NCOA3: variants seen among roughly 807,000 people sequenced by gnomAD.
NCOA3 encodes the protein CBP-interacting protein.
Under a neutral mutation model 158.8 loss-of-function variants are expected in NCOA3, and 51 were observed. That is an observed-to-expected ratio of 0.32 (90% CI 0.26 to 0.41). NCOA3 has a LOEUF of 0.41. Among genes scored for constraint, NCOA3 ranks in the 10% least tolerant of loss-of-function variants. The pLI, the probability that NCOA3 is intolerant of heterozygous loss-of-function variation, is 1.00. For synonymous variants in NCOA3, 537 were observed against 592.4 expected (o/e 0.91, Z 1.36); for missense variants, 1,510 against 1,746.6 (o/e 0.86, Z 2.41).
In NCOA3 at chr20:47,622,323, G is replaced by A; in HGVS notation, c.76G>A (p.Gly26Arg). 6 of 1,598,062 alleles carry A rather than the reference G, an allele frequency of 3.8e-6. No individual in the cohort carries two copies. Among genetic ancestry groups the A allele is most frequent in the Non-Finnish European group, 5.1e-6 (6 of 1,172,350 alleles). Residue 26 changes from glycine to arginine, a missense_variant, in exon 3 of 23, where the codon GGA becomes AGA. Gly to Arg is a moderately radical substitution (Grantham distance 125). This residue lies in a region of NCOA3 where 309 missense variants were observed against 427.1 expected (regional missense o/e 0.72). Coordinates refer to ENST00000371998, the MANE Select transcript of NCOA3 (RefSeq NM_181659.3). ...ACGCAAATTGCCATGTGATACTCCA[G>A]GACAAGGGTAGGTGACTTATTTCCT... Reference protein sequence around the residue: ...RKRKLPCDTPGQGLTCSGEKR... With the variant: ...RKRKLPCDTPRQGLTCSGEKR...
chr20:47,502,702 CTT>C (rs3083969), intron 1 of NCOA3, among the ~76,000 whole-genome samples: 25 of 139,294 alleles, frequency 1.8e-4, no homozygotes, highest in Admixed American at 4.3e-4. Context: ...TTTATTACTA[CTT>C]TTTTTTTTTT....
chr20:47,578,583 A>G (rs2085407314), intron 1 of NCOA3, among the ~76,000 whole-genome samples: 1 of 152,226 alleles, frequency 6.6e-6, no homozygotes, highest in Non-Finnish European at 1.5e-5. Flanking sequence ...GATTGTTGCA[A>G]GTGAAACCTG....
At chr20:47,514,495 C>T (rs889354587) in intron 1 of NCOA3, among the ~76,000 whole-genome samples, 5 of 152,022 alleles carry the variant, frequency 3.3e-5, no homozygotes, top group Admixed American at 6.6e-5. Context: ...TCAAGCGATT[C>T]TCATGTCTCA....
At chr20:47,538,888 A>C (rs1331382726) in intron 1 of NCOA3, among the ~76,000 whole-genome samples, 1 of 152,250 alleles carries the variant, frequency 6.6e-6, no homozygotes, top group Non-Finnish European at 1.5e-5. Context: ...TTTAGTTTTC[A>C]GAAACTGGAG....
At chr20:47,607,994 A>C (rs1336400921) in intron 2 of NCOA3, among the ~76,000 whole-genome samples, 1 of 152,106 alleles carries the variant, frequency 6.6e-6, no homozygotes, top group African/African-American at 2.4e-5. Flanking sequence ...ATTGTTATTT[A>C]TGTTAATATA....
intron 2 of NCOA3, among the ~76,000 whole-genome samples, chr20:47,585,045 AC>A (rs1816155703): frequency 1.0e-5 from 1 of 99,604 alleles, no homozygotes. Context: ...CCCTTTCTTA[AC>A]TTTTTTTTTT....
In NCOA3 at chr20:47,545,721, G is replaced by GAT. The variant is rs538955925; in HGVS notation, c.-98-37453_-98-37452dup. Among the ~76,000 whole-genome samples, 99 of 150,658 alleles carry GAT rather than the reference G, an allele frequency of 6.6e-4. 1 individual carries two copies. The Middle Eastern group carries it at 0.014, about 21-fold the overall frequency. The stretch of plus-strand genomic sequence containing the variant: ...TATACATATATTGGATCATCTTTGT[G>GAT]ATATATATATGGAGACACGGTCTCG... On this transcript the variant is annotated intron_variant, in intron 1 of 22. Coordinates refer to ENST00000371998, the MANE Select transcript of NCOA3 (RefSeq NM_181659.3).
At chr20:47,638,976 G>C (rs760348557) in intron 13 of NCOA3, 32 bp from the exon 14 acceptor site, 8 of 1,519,404 alleles carry the variant, frequency 5.3e-6, no homozygotes, top group East Asian at 2.3e-5. Flanking sequence ...ATTAAATCAC[G>C]AAGAAATGTT....
chr20:47,623,288 TGTTA>T (rs139337918), intron 3 of NCOA3, among the ~76,000 whole-genome samples: 37 of 152,338 alleles, frequency 2.4e-4, no homozygotes, highest in African/African-American at 8.7e-4. Context: ...TGTTCTTATT[TGTTA>T]GTTGTTTTAT....
intron 2 of NCOA3, among the ~76,000 whole-genome samples, chr20:47,617,690 T>C (rs2086161749): frequency 6.6e-6 from 1 of 152,238 alleles, no homozygotes; most frequent in Non-Finnish European, 1.5e-5. Flanking sequence ...TAGTCATTTG[T>C]GCTCAGGAAT....
chr20:47,535,311 C>T (rs935409387), intron 1 of NCOA3, among the ~76,000 whole-genome samples: 3 of 152,146 alleles, frequency 2.0e-5, no homozygotes, highest in Non-Finnish European at 4.4e-5. Context: ...TTGAGTGTTT[C>T]CAGCTCCTGA....
chr20:47,623,730 T>C (rs1295710106), intron 3 of NCOA3, among the ~76,000 whole-genome samples, 181 bp from the exon 4 acceptor site: 1 of 151,886 alleles, frequency 6.6e-6, no homozygotes, highest in Non-Finnish European at 1.5e-5. Flanking sequence ...GGAGGTTGCA[T>C]TGAGCCAAAG....
intron 2 of NCOA3, among the ~76,000 whole-genome samples, chr20:47,619,131 T>A (rs764939726): frequency 1.1e-4 from 16 of 152,338 alleles, no homozygotes; most frequent in Middle Eastern, 3.4e-3. Flanking sequence ...ATTGACCACC[T>A]ATTACATGGT....
intron 2 of NCOA3, among the ~76,000 whole-genome samples, chr20:47,591,346 T>C (rs1397032241): frequency 1.3e-5 from 2 of 152,224 alleles, no homozygotes; most frequent in African/African-American, 4.8e-5. Flanking sequence ...TTGCCCAGAG[T>C]ATTTCATAAA....
intron 1 of NCOA3, among the ~76,000 whole-genome samples, chr20:47,508,990 T>C (rs781417485): frequency 6.6e-6 from 1 of 152,248 alleles, no homozygotes; most frequent in South Asian, 2.1e-4. Flanking sequence ...TAAGGCATTA[T>C]GTAGATATGT....
chr20:47,511,550 T>TATATATATATATATATATATATACACAC lies in NCOA3; in HGVS notation c.-99+9537_-99+9538insATATATATATATATATACACACATATAT. ...ATATATATATATATATATATATATA[T>TATATATATATATATATATATATACACAC]ATATATTTCTTTTTTTTTTTGAGAC... On this transcript the variant is annotated intron_variant, in intron 1 of 22. Coordinates refer to ENST00000371998, the MANE Select transcript of NCOA3 (RefSeq NM_181659.3). Among the ~76,000 whole-genome samples the TATATATATATATATATATATATACACAC allele has an allele frequency of 5.7e-5, 3 of 52,266 alleles. 1 individual carries two copies. The highest frequency in any genetic ancestry group is 1.2e-4 in the Non-Finnish European group (3 of 25,102). 34.3% of individuals were successfully genotyped at this position (52,266 alleles called of 152,430 possible). A position where few individuals can be genotyped will look rare whatever the true frequency, so the allele number is the denominator to read the frequency against.
At chr20:47,519,573 C>T (rs2084292872) in intron 1 of NCOA3, among the ~76,000 whole-genome samples, 1 of 151,872 alleles carries the variant, frequency 6.6e-6, no homozygotes, top group South Asian at 2.1e-4. Context: ...ATGTCTGAAA[C>T]CAAGGGAAAT....
At position 47,546,706 on chromosome 20, in the gene NCOA3, T is replaced by C. The variant is rs371919754; in HGVS notation, c.-98-36477T>C. On this transcript the variant is annotated intron_variant, in intron 1 of 22. Transcript: ENST00000371998. ...GCTACCACGCCCAGCTAATTTTGTA[T>C]TTTTAGTAGAGATGGGGTTTCTCCA... Among the ~76,000 whole-genome samples the C allele has an allele frequency of 5.9e-5, 9 of 152,162 alleles. No individual in the cohort carries two copies. The East Asian group carries it at 1.2e-3, about 20-fold the overall frequency.
chr20:47,626,957 T>C (rs1219492353), intron 5 of NCOA3, 45 bp from the exon 6 acceptor site: 1 of 1,496,922 alleles, frequency 6.7e-7, no homozygotes, highest in Non-Finnish European at 9.1e-7. Flanking sequence ...GGGAGGAGGA[T>C]ACAATTCAGT....
Sources: gnomAD v4.1 joint callset for allele counts (sites outside exome capture counted in the v4.1 genomes callset) on GRCh38, gnomAD v4.1.1 for gene constraint, gnomAD v4.1.1 regional missense constraint, MANE v1.5 for transcripts, NCBI Gene and HGNC (gene_info 2026-07-23, HGNC 2026-07-21) for gene names.